Variants in ZMYM1 observed in about 807,000 individuals in gnomAD.
ZMYM1 encodes the protein zinc finger MYM-type protein 1.
Under a neutral mutation model 60.0 loss-of-function variants are expected in ZMYM1, and 39 were observed. The observed-to-expected ratio is 0.65, with a 90% confidence interval of 0.50 to 0.85. The LOEUF (loss-of-function observed/expected upper bound fraction) is 0.85, where lower values mean the gene tolerates loss of function less well. ZMYM1 is among the 40% of genes least tolerant of loss of function. ZMYM1 has a pLI of 0.00. For missense variants in ZMYM1, 1,171 were observed against 1,309.5 expected, an observed-to-expected ratio of 0.89 and a Z score of 1.63; for synonymous variants, 413 against 454.0, an observed-to-expected ratio of 0.91 and a Z score of 1.15.
chr1:35,070,266 CTAA>C (rs1642043274), intron 1 of ZMYM1, among the ~76,000 whole-genome samples: 1 of 152,010 alleles, frequency 6.6e-6, no homozygotes, highest in African/African-American at 2.4e-5. Context: ...ATTTCTTTCA[CTAA>C]TGTTTTATGG....
intron 4 of ZMYM1, among the ~76,000 whole-genome samples, chr1:35,100,437 C>T (rs1240923698): frequency 6.6e-6 from 1 of 151,826 alleles, no homozygotes; most frequent in Non-Finnish European, 1.5e-5. Context: ...GTCTAGCCAA[C>T]ACCACAAATC....
At chr1:35,097,262 CTACT>C in intron 3 of ZMYM1, 51 bp from the exon 4 acceptor site, 1 of 1,521,038 alleles carries the variant, frequency 6.6e-7, no homozygotes, top group South Asian at 1.3e-5. Context: ...AAAGGAATGC[CTACT>C]TAATTTTGTG....
At chr1:35,070,840 AT>A (rs1557624088) in intron 1 of ZMYM1, among the ~76,000 whole-genome samples, 1 of 151,028 alleles carries the variant, frequency 6.6e-6, no homozygotes, top group East Asian at 1.9e-4. Flanking sequence ...GCGATGTTGA[AT>A]TTTGTCAAAT....
At chr1:35,101,964 CTG>C (rs1156268258) in intron 4 of ZMYM1, among the ~76,000 whole-genome samples, 3 of 152,084 alleles carry the variant, frequency 2.0e-5, no homozygotes, top group Non-Finnish European at 2.9e-5. Context: ...TGAATATTAA[CTG>C]TATCAAAAAT....
At position 35,096,681 on chromosome 1, in the gene ZMYM1, G is replaced by A. The variant is rs140190461; in HGVS notation, c.170-636G>A. On this transcript the variant is annotated intron_variant, in intron 3 of 9. Coordinates refer to ENST00000359858, the MANE Select transcript of ZMYM1 (RefSeq NM_024772.5). ...CCCAAGTAACTAGGATCACAGGCCC[G>A]TGCCACCACACCCAGATAATTTTGT... Among the ~76,000 whole-genome samples the A allele has an allele frequency of 9.2e-5, 14 of 152,148 alleles. No individual in the cohort carries two copies. The South Asian group carries it at 2.3e-3, about 25-fold the overall frequency.
chr1:35,069,004 G>A lies in ZMYM1; in HGVS notation c.-301+9079G>A, dbSNP rs1313640277. ...GGTGCGCCTGGCTAATTTTAGAGAC[G>A]GGGTTTTTTAGTAGAGATGGGATTT... is the stretch of plus-strand genomic sequence containing the variant. On this transcript the variant is annotated intron_variant, in intron 1 of 10. Transcript: ENST00000417119. Among the ~76,000 whole-genome samples the A allele has an allele frequency of 2.0e-5, 3 of 151,860 alleles. 1 individual carries two copies. Among genetic ancestry groups the A allele is most frequent in the Non-Finnish European group, 1.5e-5 (1 of 67,972 alleles).
intron 1 of ZMYM1, among the ~76,000 whole-genome samples, chr1:35,089,169 C>G (rs184829397): frequency 6.6e-5 from 10 of 152,186 alleles, no homozygotes; most frequent in African/African-American, 2.2e-4. Flanking sequence ...GATGCCAAAG[C>G]TCATAGGTAC....
intron 1 of ZMYM1, among the ~76,000 whole-genome samples, chr1:35,093,641 G>C (rs920711780): frequency 1.1e-4 from 17 of 152,158 alleles, no homozygotes; most frequent in Non-Finnish European, 2.4e-4. Flanking sequence ...AAATAAACTT[G>C]TAAGTTTTGG....
chr1:35,063,528 C>T (rs1641912685), intron 1 of ZMYM1, among the ~76,000 whole-genome samples: 3 of 151,982 alleles, frequency 2.0e-5, no homozygotes, highest in South Asian at 4.1e-4. Flanking sequence ...TTCTAGAACT[C>T]CTGGCCTCAA....
At chr1:35,105,294 C>T (rs1260594675) in intron 6 of ZMYM1, among the ~76,000 whole-genome samples, 15 of 151,816 alleles carry the variant, frequency 9.9e-5, no homozygotes, top group East Asian at 9.7e-4. Context: ...GCCACCACCA[C>T]GCCTGGCTAA....
rs552296935 is a variant in ZMYM1 at position 35,104,332 on chromosome 1, C to A, written c.457C>A (p.Leu153Met). 1.5e-5 allele frequency: 24 copies of A among 1,606,462 alleles called. No individual in the cohort carries two copies. In the Middle Eastern group the frequency reaches 6.7e-4, roughly 45 times the overall value. Residue 153 changes from leucine (L) to methionine (M), a missense_variant, in exon 5 of 10, where the codon CTG (leucine) becomes ATG (methionine). Leu to Met is a conservative substitution (Grantham distance 15). Transcript: ENST00000359858. ...LNPKDVISVQ[L>M]EDTTSCKTFC... ...TCCAAAGGATGTGATTAGTGTCCAG[C>A]TGGAAGACACTACCTCTTGCAAAAC...
intron 3 of ZMYM1, among the ~76,000 whole-genome samples, chr1:35,096,769 G>A (rs888732191): frequency 6.6e-5 from 10 of 152,028 alleles, no homozygotes; most frequent in African/African-American, 9.7e-5. Context: ...GCATGATCTC[G>A]CCTCACTGCA....
intron 8 of ZMYM1, 40 bp from the exon 9 acceptor site, chr1:35,112,047 A>G (rs1644106124): frequency 6.2e-7 from 1 of 1,600,432 alleles, no homozygotes; most frequent in Non-Finnish European, 8.5e-7. Context: ...TTTATAGGTT[A>G]TAGTATATAA....
At chr1:35,088,805 C>CTTTTTTTTTTTTTTTT (rs375136566) in intron 1 of ZMYM1, among the ~76,000 whole-genome samples, 3 of 119,614 alleles carry the variant, frequency 2.5e-5, no homozygotes. Flanking sequence ...GGATGCTTTC[C>CTTTTTTTTTTTTTTTT]TTTTTTTTTT....
upstream of ZMYM1, among the ~76,000 whole-genome samples, chr1:35,076,935 C>CA (rs1239260936): frequency 0.049 from 3,862 of 79,214 alleles, 195 homozygotes; most frequent in African/African-American, 0.15. Context: ...AACTCTGTCT[C>CA]AAAAAAAAAA....
At chr1:35,091,129 A>G (rs1642975610) in intron 1 of ZMYM1, among the ~76,000 whole-genome samples, 5 of 152,204 alleles carry the variant, frequency 3.3e-5, no homozygotes, top group Admixed American at 2.6e-4. Context: ...ATAAAAGAAT[A>G]TAGTTTTACT....
intron 1 of ZMYM1, among the ~76,000 whole-genome samples, 195 bp downstream of exon 1, chr1:35,079,637 C>T (rs1642260308): frequency 6.6e-6 from 1 of 152,174 alleles, no homozygotes; most frequent in Non-Finnish European, 1.5e-5. Flanking sequence ...GTGTTTGCCG[C>T]CTCCTTTAAC....
chr1:35,081,928 G>A (rs147094450), intron 1 of ZMYM1, among the ~76,000 whole-genome samples: 1 of 152,206 alleles, frequency 6.6e-6, no homozygotes, highest in Non-Finnish European at 1.5e-5. Context: ...CCTGACCTCA[G>A]GTAATTCACC....
At chr1:35,064,964 T>C (rs545224241) in intron 1 of ZMYM1, among the ~76,000 whole-genome samples, 40 of 152,248 alleles carry the variant, frequency 2.6e-4, no homozygotes, top group African/African-American at 8.4e-4. Flanking sequence ...CGTGAGCCAC[T>C]GCGCCCGGCC....
Sources: allele counts gnomAD v4.1 joint callset (sites outside exome capture counted in the v4.1 genomes callset), GRCh38; gene constraint gnomAD v4.1.1; transcripts MANE v1.5; gene names NCBI Gene and HGNC (gene_info 2026-07-23, HGNC 2026-07-21).